The following MAST4 variants were observed in gnomAD, a reference collection of about 807,000 sequenced individuals.
MAST4 encodes the protein microtubule-associated serine/threonine-protein kinase 4.
MAST4 carries 89 observed loss-of-function variants against 162.7 expected under a neutral mutation model. That is an observed-to-expected ratio of 0.55 (90% CI 0.46 to 0.65). The LOEUF is 0.65. Ranked by LOEUF, MAST4 falls within the 30% of genes least tolerant of loss-of-function variation. The pLI is 0.00. For synonymous variants in MAST4, 1,479 were observed against 1,361.1 expected, an observed-to-expected ratio of 1.09 and a Z score of -1.91; for missense variants, 3,153 against 3,374.0, an observed-to-expected ratio of 0.93 and a Z score of 1.62.
chr5:66,748,401 C>T (rs886446201), intron 1 of MAST4, among the ~76,000 whole-genome samples: 13 of 149,346 alleles, frequency 8.7e-5, no homozygotes, highest in African/African-American at 2.7e-4. Context: ...TCTTTCCTTC[C>T]TTCTTTCCTT....
intron 5 of MAST4, among the ~76,000 whole-genome samples, chr5:67,080,020 G>A (rs1042461854): frequency 3.9e-5 from 6 of 152,160 alleles, no homozygotes; most frequent in African/African-American, 9.7e-5. Flanking sequence ...CCTTAGAGTC[G>A]TCACACCTGA....
intron 1 of MAST4, among the ~76,000 whole-genome samples, chr5:66,688,278 C>G (rs1342337543): frequency 6.6e-6 from 1 of 152,200 alleles, no homozygotes; most frequent in Non-Finnish European, 1.5e-5. Flanking sequence ...AGGATGCCTG[C>G]AGTGATTTGA....
intron 3 of MAST4, among the ~76,000 whole-genome samples, chr5:66,853,924 T>A (rs1273800892): frequency 6.6e-6 from 1 of 152,172 alleles, no homozygotes; most frequent in Non-Finnish European, 1.5e-5. Context: ...ACTTAAAGGG[T>A]CAGTAGAAAT....
intron 4 of MAST4, among the ~76,000 whole-genome samples, chr5:66,997,239 T>A (rs776195749): frequency 1.3e-5 from 2 of 152,092 alleles, no homozygotes; most frequent in Non-Finnish European, 2.9e-5. Context: ...GCCTACTACA[T>A]GTATATATAT....
chr5:67,114,252 T>A, intron 12 of MAST4, 33 bp downstream of exon 12: 2 of 1,598,218 alleles, frequency 1.3e-6, no homozygotes, highest in South Asian at 1.1e-5. Context: ...CCTTTGACTT[T>A]GCTTATGCAC....
intron 1 of MAST4, among the ~76,000 whole-genome samples, chr5:66,670,415 TTTCTC>T (rs1358801547): frequency 1.3e-5 from 2 of 152,314 alleles, no homozygotes; most frequent in Non-Finnish European, 2.9e-5. Flanking sequence ...TTGATTTACT[TTTCTC>T]TTAGGTGAAT....
chr5:66,994,729 C>T (rs147504253), intron 4 of MAST4, among the ~76,000 whole-genome samples: 175 of 152,286 alleles, frequency 1.1e-3, no homozygotes, highest in African/African-American at 4.1e-3. Flanking sequence ...ATTACCTAGT[C>T]TCATGGGAAA....
rs780515454 is a variant in MAST4, at chr5:67,164,160, G to A, written c.4981G>A (p.Gly1661Arg). The A allele has an allele frequency of 6.2e-7, 1 of 1,609,504 alleles. No individual in the cohort carries two copies. Among genetic ancestry groups the A allele is most frequent in the Non-Finnish European group, 8.5e-7 (1 of 1,177,916 alleles). Residue 1661 changes from glycine to arginine, a missense_variant, in exon 29 of 29, where the codon GGG (glycine) becomes AGG (arginine). Physicochemically the swap from Gly to Arg is moderately radical, Grantham distance 125. Around this residue, in one of 7 missense-constraint regions of MAST4, gnomAD observed 1,644 missense variants for 1,495.0 expected, o/e 1.10. Coordinates refer to ENST00000403625, the MANE Select transcript of MAST4 (RefSeq NM_001164664.2). The surrounding 1 kb of genome is among the most constrained non-coding windows in gnomAD (Gnocchi z 5.3). The stretch of plus-strand genomic sequence containing the variant: ...CCTCGACAGGGGCATCTCTGGGAAG[G>A]GGGAAGGCACGGAGAAGTCCTCCCA... ...HSLDRGISGKGEGTEKSSQAK... is the reference protein window; with the variant it reads ...HSLDRGISGKREGTEKSSQAK...
chr5:66,697,820 T>C (rs1452781538), intron 1 of MAST4, among the ~76,000 whole-genome samples: 3 of 152,180 alleles, frequency 2.0e-5, no homozygotes, highest in African/African-American at 7.2e-5. Context: ...ATGGTAAATA[T>C]CAACAGATAT....
chr5:67,166,652 G>A lies in MAST4; in HGVS notation c.7473G>A (p.Met2491Ile). The change falls in exon 29 of 29, where the codon ATG becomes ATA. Residue 2491 changes from methionine to isoleucine, a missense_variant. This residue lies in a region of MAST4 where 1,644 missense variants were observed against 1,495.0 expected (regional missense o/e 1.10). Coordinates refer to ENST00000403625, the MANE Select transcript of MAST4 (RefSeq NM_001164664.2). Reference protein sequence around the residue: ...DTSSAKAAGGMLELPAPSNRD... With the variant: ...DTSSAKAAGGILELPAPSNRD... ...CTTCTGCCAAGGCCGCCGGGGGCAT[G>A]CTGGAGCTTCCAGCCCCCAGCAACA... The A allele has an allele frequency of 6.3e-7, 1 of 1,599,130 alleles. No homozygotes were observed. Among genetic ancestry groups the A allele is most frequent in the Non-Finnish European group, 8.5e-7 (1 of 1,173,112 alleles).
chr5:66,926,857 A>T (rs1392539934), intron 4 of MAST4, among the ~76,000 whole-genome samples: 1 of 152,126 alleles, frequency 6.6e-6, no homozygotes, highest in Non-Finnish European at 1.5e-5. Flanking sequence ...AAGTATAAAG[A>T]CATGCTAGAG....
At chr5:66,786,148 C>T (rs1292807655) in intron 2 of MAST4, among the ~76,000 whole-genome samples, 2 of 152,058 alleles carry the variant, frequency 1.3e-5, no homozygotes, top group Non-Finnish European at 2.9e-5. Context: ...GTATTACAGG[C>T]GTGAGCCACT....
chr5:67,153,382 A>G, intron 25 of MAST4, 76 bp from the exon 26 acceptor site: 3 of 1,446,862 alleles, frequency 2.1e-6, no homozygotes, highest in East Asian at 2.5e-5. Context: ...TTAACTCATT[A>G]TTCTCCCAGA....
At chr5:67,068,394 A>C (rs1760500939) in intron 5 of MAST4, among the ~76,000 whole-genome samples, 1 of 152,170 alleles carries the variant, frequency 6.6e-6, no homozygotes, top group Non-Finnish European at 1.5e-5. Flanking sequence ...CCTTATTCAC[A>C]GGGCGGCAGG....
At chr5:66,810,121 G>A (rs60232922) in intron 3 of MAST4, among the ~76,000 whole-genome samples, 38,185 of 152,096 alleles carry the variant, frequency 0.25, 5,808 homozygotes, top group Non-Finnish European at 0.35. Context: ...TGTGACGTCC[G>A]GTGTGAGAAT....
chr5:66,836,658 C>T (rs1757987575), intron 3 of MAST4, among the ~76,000 whole-genome samples: 1 of 152,058 alleles, frequency 6.6e-6, no homozygotes, highest in Non-Finnish European at 1.5e-5. Flanking sequence ...ATGGATGGAC[C>T]TGGAGGCTGT....
At chr5:66,756,660 C>T (rs1753557363) in intron 1 of MAST4, among the ~76,000 whole-genome samples, 1 of 152,006 alleles carries the variant, frequency 6.6e-6, no homozygotes, top group African/African-American at 2.4e-5. Context: ...TGACTCAGGA[C>T]AAAAAATGAA....
chr5:67,078,640 TTATATC>T (rs965204742), intron 5 of MAST4, among the ~76,000 whole-genome samples: 22 of 138,252 alleles, frequency 1.6e-4, no homozygotes, highest in Non-Finnish European at 2.9e-4. Context: ...ATATTTATAT[TTATATC>T]TTTATATATA....
Position 66,685,355 on chromosome 5 carries a change from C to T in MAST4, c.364-74354C>T, listed in dbSNP as rs111438763. On this transcript the variant is annotated intron_variant, in intron 1 of 28. Coordinates refer to ENST00000403625, the MANE Select transcript of MAST4 (RefSeq NM_001164664.2). ...AACCCCCAAAAAGAATAGCAAAACA[C>T]ACAGTCAAATGAGTTCTTCACAGAT... 7.6e-3 allele frequency among the ~76,000 whole-genome samples: 1,155 copies of T among 152,152 alleles called. 14 individuals carry two copies. Among genetic ancestry groups the T allele is most frequent in the African/African-American group, 0.027 (1,103 of 41,516 alleles).
Sources: gnomAD v4.1 joint callset for allele counts (sites outside exome capture counted in the v4.1 genomes callset) on GRCh38, gnomAD v4.1.1 for gene constraint, gnomAD v4.1.1 regional missense constraint, Gnocchi (gnomAD v3.1) non-coding constraint, MANE v1.5 for transcripts, NCBI Gene and HGNC (gene_info 2026-07-23, HGNC 2026-07-21) for gene names.